The following DNAH9 variants were observed in gnomAD, a reference collection of about 807,000 sequenced individuals.
DNAH9 encodes dynein axonemal heavy chain 9.
Under a neutral mutation model 471.6 loss-of-function variants are expected in DNAH9, and 345 were observed. That is an observed-to-expected ratio of 0.73 (90% CI 0.67 to 0.80). DNAH9 has a LOEUF of 0.80. DNAH9 is among the 30% of genes least tolerant of loss of function. The pLI, the probability that DNAH9 is intolerant of heterozygous loss-of-function variation, is 0.00. For synonymous variants in DNAH9, 2,093 were observed against 2,123.6 expected (o/e 0.99, Z 0.40); for missense variants, 5,407 against 5,609.2 (o/e 0.96, Z 1.15).
At chr17:11,756,241 C>A (rs192417458) in intron 33 of DNAH9, among the ~76,000 whole-genome samples, 1 of 149,824 alleles carries the variant, frequency 6.7e-6, no homozygotes, top group South Asian at 2.1e-4. Context: ...TGTGCCACTG[C>A]ACTCCAGCCT....
At chr17:11,764,820 G>A (rs185422329) in intron 36 of DNAH9, among the ~76,000 whole-genome samples, 2 of 152,254 alleles carry the variant, frequency 1.3e-5, no homozygotes, top group East Asian at 3.9e-4. Context: ...AACTTTGAAG[G>A]TGATATGTAG....
chr17:11,710,993 G>A (rs2074818104), intron 26 of DNAH9, among the ~76,000 whole-genome samples: 2 of 152,162 alleles, frequency 1.3e-5, no homozygotes, highest in South Asian at 4.1e-4. Flanking sequence ...TCATGACTTT[G>A]CTTCTTCTGA....
chr17:11,827,949 T>G (rs1482538761), intron 48 of DNAH9, among the ~76,000 whole-genome samples: 2 of 152,060 alleles, frequency 1.3e-5, no homozygotes, highest in African/African-American at 2.4e-5. Context: ...TTCTTTTTAC[T>G]CTCCTCTTAC....
rs55662858 is a variant in DNAH9 at position 11,698,865 on chromosome 17, G to A, written c.4873-866G>A. ...CAGATGCCATGGCTGGGAGCAGCCCGGCACAGCCAGACTTTATGCTTGCCA... is the reference window on the plus strand; with the variant it reads ...CAGATGCCATGGCTGGGAGCAGCCCAGCACAGCCAGACTTTATGCTTGCCA... On this transcript the variant is annotated intron_variant, in intron 22 of 68. Coordinates refer to ENST00000262442, the MANE Select transcript of DNAH9 (RefSeq NM_001372.4). 4.0e-3 allele frequency among the ~76,000 whole-genome samples: 609 copies of A among 152,156 alleles called. 5 individuals carry two copies. Among genetic ancestry groups the A allele is most frequent in the African/African-American group, 0.014 (592 of 41,524 alleles).
At chr17:11,688,796 C>T (rs2074283039) in intron 19 of DNAH9, among the ~76,000 whole-genome samples, 2 of 152,154 alleles carry the variant, frequency 1.3e-5, no homozygotes, top group African/African-American at 4.8e-5. Flanking sequence ...CCAGCTCTCC[C>T]ACTTAAAGAT....
rs1422498746 is a variant in DNAH9 at position 11,905,680 on chromosome 17, T to C, written c.11620T>C (p.Leu3874=). 6.2e-7 allele frequency: 1 copy of C among 1,614,030 alleles called. No individual in the cohort carries two copies. The highest frequency in any genetic ancestry group is 1.7e-5 in the Admixed American group (1 of 59,988). The change falls in exon 61 of 69, where the codon TTA becomes CTA. Residue 3874 remains leucine (L), a synonymous_variant. Transcript: ENST00000262442. ...TGGCAGAGATTTTGTTGAAGAGAAG[T>C]TAGGAAGCAAATACGTGGTGGGAAG... ...YALRDFVEEK[L]GSKYVVGRAL... is the part of the protein sequence containing the mutation.
At chr17:11,953,053 G>A (rs1975453757) in intron 67 of DNAH9, among the ~76,000 whole-genome samples, 3 of 152,182 alleles carry the variant, frequency 2.0e-5, no homozygotes, top group Admixed American at 6.5e-5. Context: ...TAAGGCGAAA[G>A]TCCTATCAGA....
chr17:11,747,986 C>T (rs1331073507), intron 32 of DNAH9, among the ~76,000 whole-genome samples: 2 of 152,068 alleles, frequency 1.3e-5, no homozygotes, highest in African/African-American at 4.8e-5. Context: ...CCTCTTCCAG[C>T]TGCCTTTTAG....
chr17:11,648,250 A>G (rs2073432926), intron 12 of DNAH9, among the ~76,000 whole-genome samples: 1 of 152,208 alleles, frequency 6.6e-6, no homozygotes, highest in African/African-American at 2.4e-5. Flanking sequence ...GTCTTTCAAG[A>G]AAATTGCAAT....
chr17:11,769,270 A>G lies in DNAH9; in HGVS notation c.7493A>G (p.Glu2498Gly), dbSNP rs1409980563. Residue 2498 changes from glutamate to glycine, a missense_variant, in exon 38 of 69, where the codon GAG becomes GGG. Physicochemically the swap from Glu to Gly is moderately conservative, Grantham distance 98. Coordinates refer to ENST00000262442, the MANE Select transcript of DNAH9 (RefSeq NM_001372.4). ...VGAKLASLDP[E>G]AYLVKNVPFN... ...GCTAAGCTGGCCAGCCTTGACCCCGAGGCATACCTGGTGAAAAACGTGCCA... is the reference window on the plus strand; with the variant it reads ...GCTAAGCTGGCCAGCCTTGACCCCGGGGCATACCTGGTGAAAAACGTGCCA... 6 of 1,614,036 alleles carry G rather than the reference A, an allele frequency of 3.7e-6. No homozygotes were observed. The highest frequency in any genetic ancestry group is 4.2e-6 in the Non-Finnish European group (5 of 1,180,012).
intron 19 of DNAH9, among the ~76,000 whole-genome samples, chr17:11,683,518 G>A (rs986733570): frequency 1.1e-4 from 17 of 152,304 alleles, no homozygotes; most frequent in Admixed American, 7.2e-4. Flanking sequence ...ATTCAAAGAT[G>A]TTGGGGAAAA....
intron 27 of DNAH9, among the ~76,000 whole-genome samples, chr17:11,723,838 G>GT (rs1184541292): frequency 3.3e-5 from 5 of 151,110 alleles, no homozygotes; most frequent in Admixed American, 6.6e-5. Flanking sequence ...TGGCTAATTG[G>GT]TTTTTTTTGT....
chr17:11,653,999 C>T (rs2073569453), intron 14 of DNAH9, among the ~76,000 whole-genome samples: 1 of 151,958 alleles, frequency 6.6e-6, no homozygotes, highest in African/African-American at 2.4e-5. Flanking sequence ...GATATAGTCC[C>T]CGCTTTGAGG....
chr17:11,762,287 C>T (rs956482844), intron 35 of DNAH9, among the ~76,000 whole-genome samples: 2 of 152,142 alleles, frequency 1.3e-5, no homozygotes, highest in African/African-American at 2.4e-5. Context: ...GTTATGAAAA[C>T]GGACTCTGCC....
intron 35 of DNAH9, among the ~76,000 whole-genome samples, chr17:11,762,766 T>TGTTTG (rs1555584612): frequency 2.3e-5 from 2 of 87,236 alleles, no homozygotes; most frequent in Non-Finnish European, 2.5e-5. Context: ...GCGTTTTTTT[T>TGTTTG]TTTGTTTTTT....
Position 11,694,346 on chromosome 17 carries a change from G to C in DNAH9, c.4771G>C (p.Ala1591Pro), listed in dbSNP as rs778956653. The change falls in exon 22 of 69, where the codon GCA becomes CCA. Residue 1591 changes from alanine (A) to proline (P), a missense_variant. By Grantham distance (27) the Ala-to-Pro change is conservative. This residue lies in a region of DNAH9 where 4,636 missense variants were observed against 4,900.3 expected (regional missense o/e 0.95). Coordinates refer to ENST00000262442, the MANE Select transcript of DNAH9 (RefSeq NM_001372.4). ...ATTGTGCCTGTGTGAGAAGGCCCTG[G>C]CAGAGTACCTCGACACCAAGAGGCT... Reference protein sequence around the residue: ...GRLCLCEKALAEYLDTKRLAF... With the variant: ...GRLCLCEKALPEYLDTKRLAF... 6.2e-7 allele frequency: 1 copy of C among 1,613,750 alleles called. No individual in the cohort carries two copies. Among genetic ancestry groups the C allele is most frequent in the Non-Finnish European group, 8.5e-7 (1 of 1,179,966 alleles).
intron 42 of DNAH9, among the ~76,000 whole-genome samples, chr17:11,795,058 G>A (rs1379274142): frequency 8.5e-6 from 1 of 117,202 alleles, no homozygotes; most frequent in African/African-American, 3.8e-5. Flanking sequence ...ATGTACCCTA[G>A]AACTTAAAGT....
chr17:11,614,000 C>T (rs145523590), intron 4 of DNAH9, among the ~76,000 whole-genome samples: 42 of 152,022 alleles, frequency 2.8e-4, no homozygotes, highest in Middle Eastern at 3.4e-3. Context: ...GAGTATATGC[C>T]GGCAATGAAT....
rs774215663 is a variant in DNAH9, at chr17:11,834,871, G to A, written c.9480G>A (p.Ala3160=). Residue 3160 remains alanine (A), a synonymous_variant, in exon 49 of 69, where the codon GCG becomes GCA. Coordinates refer to ENST00000262442, the MANE Select transcript of DNAH9 (RefSeq NM_001372.4). ...LAKAEPALTA[A]QAALNTLNKT... ...AGGCTGAGCCAGCACTCACAGCAGCGCAGGCAGCTCTCAACACCCTGAACA... is the reference window on the plus strand; with the variant it reads ...AGGCTGAGCCAGCACTCACAGCAGCACAGGCAGCTCTCAACACCCTGAACA... 148 of 1,613,266 alleles carry A rather than the reference G, an allele frequency of 9.2e-5. No individual in the cohort carries two copies. The highest frequency in any genetic ancestry group is 1.9e-4 in the South Asian group (17 of 90,984).
Sources: gnomAD v4.1 joint callset for allele counts (sites outside exome capture counted in the v4.1 genomes callset) on GRCh38, gnomAD v4.1.1 for gene constraint, gnomAD v4.1.1 regional missense constraint, MANE v1.5 for transcripts, NCBI Gene and HGNC (gene_info 2026-07-23, HGNC 2026-07-21) for gene names.